Variants in IPO11 observed in about 807,000 individuals in gnomAD.
The protein encoded by IPO11 is importin 11.
Under a neutral mutation model 143.2 loss-of-function variants are expected in IPO11, and 66 were observed. That is an observed-to-expected ratio of 0.46 (90% CI 0.38 to 0.57). The LOEUF is 0.57. Among genes scored for constraint, IPO11 ranks in the 20% least tolerant of loss-of-function variants. The pLI is 0.00. For missense variants in IPO11, 1,026 were observed against 1,141.0 expected (o/e 0.90, Z 1.45); for synonymous variants, 385 against 377.8 (o/e 1.02, Z -0.22).
intron 27 of IPO11, among the ~76,000 whole-genome samples, chr5:62,562,697 C>A (rs1435518849): frequency 6.6e-6 from 1 of 152,160 alleles, no homozygotes; most frequent in Non-Finnish European, 1.5e-5. Context: ...TTAGAGCATA[C>A]ATATACTAGT....
intron 27 of IPO11, chr5:62,581,256 T>A (rs987252676): frequency 1.3e-6 from 2 of 1,538,378 alleles, no homozygotes; most frequent in African/African-American, 2.8e-5. Flanking sequence ...ATAAACAAAT[T>A]GTTCCTGAAA....
At chr5:62,469,385 C>A (rs1745688674) in intron 6 of IPO11, among the ~76,000 whole-genome samples, 1 of 152,206 alleles carries the variant, frequency 6.6e-6, no homozygotes, top group African/African-American at 2.4e-5. Context: ...TTTAGACTTA[C>A]AAACCGAAGG....
At chr5:62,474,885 C>A (rs1341596706) in intron 8 of IPO11, among the ~76,000 whole-genome samples, 1 of 152,148 alleles carries the variant, frequency 6.6e-6, no homozygotes, top group East Asian at 1.9e-4. Flanking sequence ...CTGGTATTTG[C>A]TGGACAAAGG....
chr5:62,598,705 T>C (rs1266093523), intron 28 of IPO11, among the ~76,000 whole-genome samples: 1 of 150,958 alleles, frequency 6.6e-6, no homozygotes, highest in Non-Finnish European at 1.5e-5. Context: ...CCACCACGCC[T>C]GGCTAATTAT....
intron 16 of IPO11, among the ~76,000 whole-genome samples, chr5:62,501,091 A>G (rs1186834245): frequency 6.6e-6 from 1 of 152,176 alleles, no homozygotes; most frequent in Non-Finnish European, 1.5e-5. Context: ...CATAGCCTGT[A>G]TTTACTGTGG....
chr5:62,435,178 A>ATATG (rs1222515440), intron 1 of IPO11, among the ~76,000 whole-genome samples: 1,457 of 75,662 alleles, frequency 0.019, 127 homozygotes, highest in African/African-American at 0.036. Flanking sequence ...ATATGTATAT[A>ATATG]TGTATATATA....
chr5:62,594,874 T>C (rs1460264947), intron 28 of IPO11, among the ~76,000 whole-genome samples: 3 of 152,266 alleles, frequency 2.0e-5, no homozygotes, highest in East Asian at 3.9e-4. Context: ...CTTAAGGATA[T>C]GTAGTGGATT....
intron 7 of IPO11, among the ~76,000 whole-genome samples, chr5:62,470,816 CTTTTTTTTTTTTTT>C (rs70981015): frequency 1.8e-4 from 11 of 62,562 alleles, no homozygotes; most frequent in Admixed American, 5.5e-4. Flanking sequence ...TAGCCATCTT[CTTTTTTTTTTTTTT>C]TTTTTTTTTT....
intron 1 of IPO11, among the ~76,000 whole-genome samples, chr5:62,424,301 G>A (rs566834329): frequency 6.6e-6 from 1 of 151,926 alleles, no homozygotes. Context: ...CACCACGCCC[G>A]GCTAATTTTT....
chr5:62,446,337 C>T (rs886104570), intron 3 of IPO11, among the ~76,000 whole-genome samples: 3 of 152,184 alleles, frequency 2.0e-5, no homozygotes, highest in Non-Finnish European at 2.9e-5. Context: ...TTTATAGTCA[C>T]ATGTGTGTTC....
chr5:62,428,688 A>G (rs1743851983), intron 1 of IPO11, among the ~76,000 whole-genome samples: 1 of 151,906 alleles, frequency 6.6e-6, no homozygotes, highest in Non-Finnish European at 1.5e-5. Flanking sequence ...TTTTAGAGAC[A>G]GGGTCTCACT....
At chr5:62,539,551 C>G (rs1385428376) in intron 24 of IPO11, among the ~76,000 whole-genome samples, 5 of 152,200 alleles carry the variant, frequency 3.3e-5, no homozygotes. Flanking sequence ...ATATAAGCCA[C>G]TGTTACCAAA....
At chr5:62,565,176 A>AGTAAGTTT (rs1743891044) in intron 27 of IPO11, among the ~76,000 whole-genome samples, 1 of 152,176 alleles carries the variant, frequency 6.6e-6, no homozygotes, top group Non-Finnish European at 1.5e-5. Context: ...TATTAAGAAA[A>AGTAAGTTT]TGGACCTAAA....
At chr5:62,569,180 G>A (rs1003951145) in intron 27 of IPO11, among the ~76,000 whole-genome samples, 1 of 152,176 alleles carries the variant, frequency 6.6e-6, no homozygotes, top group African/African-American at 2.4e-5. Context: ...CCAAGGCAAA[G>A]CTGTCTGCAA....
intron 4 of IPO11, among the ~76,000 whole-genome samples, chr5:62,450,495 A>ATTTAAAG (rs1744872806): frequency 6.6e-6 from 1 of 152,248 alleles, no homozygotes; most frequent in African/African-American, 2.4e-5. Context: ...AGTATAGCAT[A>ATTTAAAG]TACAACTATT....
intron 24 of IPO11, among the ~76,000 whole-genome samples, chr5:62,549,191 T>G (rs1743313386): frequency 6.6e-6 from 1 of 152,174 alleles, no homozygotes; most frequent in Non-Finnish European, 1.5e-5. Flanking sequence ...ATTGATATCT[T>G]GTATACCTGT....
chr5:62,581,207 A>G (rs1277121904), intron 27 of IPO11: 3 of 1,550,832 alleles, frequency 1.9e-6, no homozygotes, highest in African/African-American at 1.4e-5. Flanking sequence ...ACTTCCCCAA[A>G]TTCTCTAGAA....
At chr5:62,491,666 GTTT>G (rs372842718) in intron 15 of IPO11, among the ~76,000 whole-genome samples, 3 of 140,018 alleles carry the variant, frequency 2.1e-5, no homozygotes, top group Admixed American at 1.4e-4. Context: ...ATATTAATAA[GTTT>G]TTTTTTTTTT....
intron 28 of IPO11, among the ~76,000 whole-genome samples, chr5:62,600,436 A>G (rs145984327): frequency 1.4e-4 from 21 of 152,352 alleles, no homozygotes; most frequent in African/African-American, 4.3e-4. Flanking sequence ...CAGTGGAAGA[A>G]TTTGATGCAG....
Sources: gnomAD v4.1 joint callset for allele counts (sites outside exome capture counted in the v4.1 genomes callset) on GRCh38, gnomAD v4.1.1 for gene constraint, MANE v1.5 for transcripts, NCBI Gene and HGNC (gene_info 2026-07-23, HGNC 2026-07-21) for gene names.